Variants in MYOM1 observed in about 807,000 individuals in gnomAD.
MYOM1 encodes the protein myomesin 1, also known as myomesin-1.
Under a neutral mutation model 205.3 loss-of-function variants are expected in MYOM1, and 164 were observed. That is an observed-to-expected ratio of 0.80 (90% CI 0.70 to 0.91). The LOEUF is 0.91. Among genes scored for constraint, MYOM1 ranks in the 40% least tolerant of loss-of-function variants. MYOM1 has a pLI of 0.00. For synonymous variants in MYOM1, 772 were observed against 789.4 expected, an observed-to-expected ratio of 0.98 and a Z score of 0.37; for missense variants, 2,011 against 2,127.3, an observed-to-expected ratio of 0.95 and a Z score of 1.08.
intron 6 of MYOM1, among the ~76,000 whole-genome samples, chr18:3,175,086 C>T (rs907698269): frequency 7.2e-5 from 11 of 152,044 alleles, no homozygotes; most frequent in African/African-American, 2.7e-4. Context: ...TCAATAGAAC[C>T]CCAGCAAGGC....
At chr18:3,120,386 T>C (rs2079671094) in intron 19 of MYOM1, among the ~76,000 whole-genome samples, 2 of 152,152 alleles carry the variant, frequency 1.3e-5, no homozygotes, top group Non-Finnish European at 2.9e-5. Context: ...ATGGTGCCAA[T>C]GGCCTTGAGG....
Position 3,067,415 on chromosome 18 carries a change from G to A in MYOM1, c.4905C>T (p.Gly1635=), listed in dbSNP as rs1042723. Residue 1635 remains glycine (G), a synonymous_variant, in exon 38 of 38, where the codon GGC becomes GGT. Coordinates refer to ENST00000356443, the MANE Select transcript of MYOM1 (RefSeq NM_003803.4). The part of the protein sequence containing the change: ...AGRTAYFTIN[G]VSTADSGKYG... Reference sequence around the variant, plus strand: ...ATTTGCCCGAGTCAGCGGTGCTCACGCCGTTGATGGTGAAGTACGCGGTCC... The same window carrying A: ...ATTTGCCCGAGTCAGCGGTGCTCACACCGTTGATGGTGAAGTACGCGGTCC... 10 of 1,613,524 alleles carry A rather than the reference G, an allele frequency of 6.2e-6. No homozygotes were observed. Among genetic ancestry groups the A allele is most frequent in the East Asian group, 2.2e-5 (1 of 44,882 alleles).
chr18:3,221,600 C>T (rs190054910), upstream of MYOM1, among the ~76,000 whole-genome samples: 37 of 152,304 alleles, frequency 2.4e-4, no homozygotes, highest in East Asian at 6.2e-3. Context: ...TTCCAAAGCC[C>T]GTGTACTTGT....
rs745630644 is a variant in MYOM1, at chr18:3,129,451, C to T, written c.2575G>A (p.Gly859Arg). ...DEPGGLTASR[G>R]RVHEASPPTF... is the part of the protein sequence containing the mutation. ...GGCGGGGAGGCTTCATGCACGCGCC[C>T]CCTGGAGGCGGTTAGTCCACCAGGC... Residue 859 changes from glycine (G) to arginine (R), a missense_variant, in exon 18 of 38, where the codon GGG (glycine) becomes AGG (arginine). Coordinates refer to ENST00000356443, the MANE Select transcript of MYOM1 (RefSeq NM_003803.4). The T allele has an allele frequency of 3.1e-6, 5 of 1,613,798 alleles. No homozygotes were observed. The highest frequency in any genetic ancestry group is 4.2e-6 in the Non-Finnish European group (5 of 1,179,866).
At chr18:3,214,882 A>C in intron 2 of MYOM1, 52 bp downstream of exon 2, 1 of 1,516,552 alleles carries the variant, frequency 6.6e-7, no homozygotes, top group Non-Finnish European at 8.8e-7. Context: ...GGTTACTCAG[A>C]GCACACGCCT....
chr18:3,094,378 T>TC, intron 25 of MYOM1, 72 bp from the exon 26 acceptor site: 5 of 1,001,598 alleles, frequency 5.0e-6, no homozygotes, highest in Non-Finnish European at 6.4e-6. Flanking sequence ...TTCCATCAAG[T>TC]GAAAAAAAAA....
At chr18:3,139,881 AC>A (rs980033389) in intron 14 of MYOM1, among the ~76,000 whole-genome samples, 3 of 152,202 alleles carry the variant, frequency 2.0e-5, no homozygotes, top group African/African-American at 7.2e-5. Flanking sequence ...AGTTTATATG[AC>A]CAGAGGAAAA....
rs117233456 is a variant in MYOM1 at position 3,198,279 on chromosome 18, G to C, written c.291-4321C>G. ...GCCTATCAGCACGTTTCAGAGAAAGGATGAACTGTGGGCATTGTCTCCGCT... is the reference window on the plus strand; with the variant it reads ...GCCTATCAGCACGTTTCAGAGAAAGCATGAACTGTGGGCATTGTCTCCGCT... On this transcript the variant is annotated intron_variant, in intron 2 of 37. Transcript: ENST00000356443. Among the ~76,000 whole-genome samples, 711 of 152,276 alleles carry C rather than the reference G, an allele frequency of 4.7e-3. 3 individuals carry two copies. Among genetic ancestry groups the C allele is most frequent in the Non-Finnish European group, 5.3e-3 (362 of 68,008 alleles).
rs2079772266 is a variant in MYOM1, at chr18:3,125,821, C to A, written c.2991+880G>T. 2.0e-5 allele frequency among the ~76,000 whole-genome samples: 3 copies of A among 152,084 alleles called. No homozygotes were observed. In the South Asian group the frequency reaches 6.2e-4, roughly 32 times the overall value. ...AGACTGTTCTGGTTCTCTTATGTGA[C>A]CTGAGCAGTGGAGGCCCCCATGTAG... On this transcript the variant is annotated intron_variant, in intron 19 of 37. Coordinates refer to ENST00000356443, the MANE Select transcript of MYOM1 (RefSeq NM_003803.4).
intron 5 of MYOM1, among the ~76,000 whole-genome samples, chr18:3,184,024 G>A (rs1336923374): frequency 4.0e-5 from 6 of 151,808 alleles, no homozygotes; most frequent in African/African-American, 1.5e-4. Flanking sequence ...TTGTGCCTCA[G>A]CCTCCCGAGT....
At chr18:3,192,833 A>T (rs560874364) in intron 3 of MYOM1, among the ~76,000 whole-genome samples, 30 of 152,360 alleles carry the variant, frequency 2.0e-4, no homozygotes, top group South Asian at 8.3e-4. Flanking sequence ...TTTACCTCAA[A>T]GTAAATAGCA....
chr18:3,234,161 C>G, the MYOM1 span, among the ~76,000 whole-genome samples: 1 of 152,086 alleles, frequency 6.6e-6, no homozygotes, highest in African/African-American at 2.4e-5. Flanking sequence ...GAGAGCTTGG[C>G]TCATAGGACG....
intron 2 of MYOM1, among the ~76,000 whole-genome samples, chr18:3,206,610 A>G (rs1241517522): frequency 1.3e-5 from 2 of 152,122 alleles, no homozygotes; most frequent in African/African-American, 2.4e-5. Flanking sequence ...GTTGTTTTGG[A>G]TCTACTTTTG....
intron 16 of MYOM1, among the ~76,000 whole-genome samples, chr18:3,134,104 C>T (rs550510185): frequency 1.8e-3 from 280 of 151,856 alleles, no homozygotes; most frequent in African/African-American, 6.3e-3. Context: ...AAGCAGGTCT[C>T]AAACTCCTGG....
At chr18:3,133,784 AC>A (rs1408447368) in intron 16 of MYOM1, among the ~76,000 whole-genome samples, 5 of 152,188 alleles carry the variant, frequency 3.3e-5, no homozygotes, top group Non-Finnish European at 7.3e-5. Flanking sequence ...TCATAAGTGA[AC>A]CTTTTAAAAA....
At chr18:3,085,333 G>A (rs565599083) in intron 30 of MYOM1, among the ~76,000 whole-genome samples, 1 of 134,752 alleles carries the variant, frequency 7.4e-6, no homozygotes, top group East Asian at 2.4e-4. Flanking sequence ...ATAGCTCACT[G>A]TATCCTTGAA....
At chr18:3,208,234 G>C (rs1037958733) in intron 2 of MYOM1, among the ~76,000 whole-genome samples, 2 of 152,178 alleles carry the variant, frequency 1.3e-5, no homozygotes, top group African/African-American at 4.8e-5. Flanking sequence ...AACAGGCCAG[G>C]CACGGTGGCA....
chr18:3,201,708 C>T (rs1295538973), intron 2 of MYOM1, among the ~76,000 whole-genome samples: 5 of 148,400 alleles, frequency 3.4e-5, no homozygotes, highest in Non-Finnish European at 5.9e-5. Context: ...AGTGCAATGG[C>T]GTGGTCATAA....
chr18:3,085,052 C>G lies in MYOM1; in HGVS notation c.4332G>C (p.Val1444=). ...AGCAGTTGGTGGACTGACCTTCATC[C>G]ACAAGCTTCAGTCTGCTCTTATCTT... The part of the protein sequence containing the change: ...RGKDKSRLKL[V]DEAFKELMME... The change falls in exon 31 of 38, where the codon GTG becomes GTC. Residue 1444 remains valine (V), a synonymous_variant. Coordinates refer to ENST00000356443, the MANE Select transcript of MYOM1 (RefSeq NM_003803.4). 6.2e-7 allele frequency: 1 copy of G among 1,603,930 alleles called. No homozygotes were observed. Among genetic ancestry groups the G allele is most frequent in the East Asian group, 2.2e-5 (1 of 44,602 alleles).
Sources: gnomAD v4.1 joint callset for allele counts (sites outside exome capture counted in the v4.1 genomes callset) on GRCh38, gnomAD v4.1.1 for gene constraint, MANE v1.5 for transcripts, NCBI Gene and HGNC (gene_info 2026-07-23, HGNC 2026-07-21) for gene names.